The following CTNND2 variants were observed in gnomAD, a reference collection of about 807,000 sequenced individuals.
The protein encoded by CTNND2 is catenin delta 2, also known as catenin delta-2.
In CTNND2, 22 loss-of-function variants were observed where a neutral mutation model predicts 144.4. The ratio of observed to expected loss-of-function variants is 0.15; its 90% CI spans 0.11 to 0.22. CTNND2 has a LOEUF of 0.22. Ranked by LOEUF, CTNND2 falls within the 10% of genes least tolerant of loss-of-function variation. The probability of loss-of-function intolerance (pLI) is 1.00; values close to 1 mark genes in which losing one functional copy is unlikely to be tolerated. For synonymous variants in CTNND2, 751 were observed against 695.6 expected, an observed-to-expected ratio of 1.08 and a Z score of -1.25; for missense variants, 1,353 against 1,618.8, an observed-to-expected ratio of 0.84 and a Z score of 2.82.
In CTNND2 at chr5:11,385,102, G is replaced by T; in HGVS notation, c.740C>A (p.Ala247Asp). 9.7e-7 allele frequency: 1 copy of T among 1,032,490 alleles called. No homozygotes were observed. 64.0% of individuals were successfully genotyped at this position (1,032,490 alleles called of 1,614,324 possible). Reference sequence around the variant, plus strand: ...GGAGTAGTAGAGCGCGGCGGCGGCGGCGGCGGGCGGCGCGTCGGGCAGGTG... The same window carrying T: ...GGAGTAGTAGAGCGCGGCGGCGGCGTCGGCGGGCGGCGCGTCGGGCAGGTG... ...AFHLPDAPPA[A>D]AAAALYYSSS... The change falls in exon 7 of 22, where the codon GCC becomes GAC. Residue 247 changes from alanine (A) to aspartate (D), a missense_variant. By Grantham distance (126) the Ala-to-Asp change is moderately radical. This residue lies in a region of CTNND2 where 708 missense variants were observed against 706.4 expected (regional missense o/e 1.00). Coordinates refer to ENST00000304623, the MANE Select transcript of CTNND2 (RefSeq NM_001332.4).
intron 9 of CTNND2, among the ~76,000 whole-genome samples, chr5:11,323,198 C>CCAGCAA (rs940925594): frequency 6.8e-6 from 1 of 146,720 alleles, no homozygotes; most frequent in African/African-American, 2.5e-5. Flanking sequence ...CCACCACTGC[C>CCAGCAA]CAGCAAATTA....
intron 2 of CTNND2, among the ~76,000 whole-genome samples, chr5:11,599,412 T>C (rs1463747077): frequency 6.6e-6 from 1 of 152,218 alleles, no homozygotes; most frequent in African/African-American, 2.4e-5. Flanking sequence ...TTGTGTCTTC[T>C]AGAACTTTTC....
intron 1 of CTNND2, among the ~76,000 whole-genome samples, chr5:11,796,049 G>T (rs1791383156): frequency 6.6e-6 from 1 of 152,202 alleles, no homozygotes; most frequent in Non-Finnish European, 1.5e-5. Context: ...AGCAATGGCA[G>T]GTTGAGTCCT....
At chr5:11,882,989 C>G (rs189073690) in intron 1 of CTNND2, among the ~76,000 whole-genome samples, 109 of 152,130 alleles carry the variant, frequency 7.2e-4, no homozygotes, top group African/African-American at 2.5e-3. Context: ...TTTCTTTCAT[C>G]AATATTTTAT....
At chr5:11,104,750 A>G (rs1752251242) in intron 14 of CTNND2, among the ~76,000 whole-genome samples, 1 of 152,210 alleles carries the variant, frequency 6.6e-6, no homozygotes, top group Non-Finnish European at 1.5e-5. Flanking sequence ...AAGAGGGGAT[A>G]GAGTTGATGG....
At chr5:10,990,716 T>C (rs976835814) in intron 19 of CTNND2, among the ~76,000 whole-genome samples, 3 of 152,232 alleles carry the variant, frequency 2.0e-5, no homozygotes, top group African/African-American at 7.2e-5. Flanking sequence ...TCCAAGTCTC[T>C]GGTAAATCAG....
At chr5:11,369,731 A>G (rs1757293273) in intron 7 of CTNND2, among the ~76,000 whole-genome samples, 1 of 152,188 alleles carries the variant, frequency 6.6e-6, no homozygotes. Flanking sequence ...AAAATGAGGC[A>G]GGGCAGTGAG....
chr5:11,856,572 A>G (rs1795259830), intron 1 of CTNND2, among the ~76,000 whole-genome samples: 1 of 152,198 alleles, frequency 6.6e-6, no homozygotes, highest in South Asian at 2.1e-4. Flanking sequence ...GGAGGGAAGA[A>G]GCGGAAGTAA....
intron 2 of CTNND2, among the ~76,000 whole-genome samples, chr5:11,572,070 G>C (rs746370037): frequency 6.6e-6 from 1 of 152,190 alleles, no homozygotes; most frequent in Admixed American, 6.5e-5. Flanking sequence ...CAAGGGTTCA[G>C]TGCATCTTCT....
chr5:11,854,254 A>G (rs1236895715), intron 1 of CTNND2, among the ~76,000 whole-genome samples: 2 of 152,206 alleles, frequency 1.3e-5, no homozygotes, highest in Non-Finnish European at 2.9e-5. Context: ...AGTATCCAAC[A>G]TAAAAGTTCA....
chr5:11,607,352 T>C (rs1780103407), intron 2 of CTNND2, among the ~76,000 whole-genome samples: 1 of 152,154 alleles, frequency 6.6e-6, no homozygotes, highest in Non-Finnish European at 1.5e-5. Flanking sequence ...CAGATATATT[T>C]TGAGTGGTAT....
chr5:11,244,425 C>T (rs190777962), intron 9 of CTNND2, among the ~76,000 whole-genome samples: 1 of 151,840 alleles, frequency 6.6e-6, no homozygotes, highest in East Asian at 1.9e-4. Context: ...GCTTGGATTA[C>T]AGGCACCCAC....
chr5:11,263,693 C>T (rs1479777799), intron 9 of CTNND2, among the ~76,000 whole-genome samples: 1 of 152,192 alleles, frequency 6.6e-6, no homozygotes, highest in Non-Finnish European at 1.5e-5. Context: ...GCCTTGAATT[C>T]ATGCCTTTAC....
At chr5:11,338,839 CA>C (rs1753972617) in intron 9 of CTNND2, among the ~76,000 whole-genome samples, 1 of 152,062 alleles carries the variant, frequency 6.6e-6, no homozygotes, top group South Asian at 2.1e-4. Context: ...TTTTATAAAA[CA>C]AAAAGGTCTT....
chr5:11,200,126 G>A (rs1240406708), intron 10 of CTNND2, among the ~76,000 whole-genome samples: 1 of 152,186 alleles, frequency 6.6e-6, no homozygotes, highest in Non-Finnish European at 1.5e-5. Flanking sequence ...AATCAGAAGC[G>A]AAACGAGAGA....
At chr5:11,693,758 C>T (rs185009623) in intron 2 of CTNND2, among the ~76,000 whole-genome samples, 3 of 152,112 alleles carry the variant, frequency 2.0e-5, no homozygotes, top group African/African-American at 4.8e-5. Flanking sequence ...AAACACAGTA[C>T]GATTGATTCT....
intron 9 of CTNND2, among the ~76,000 whole-genome samples, chr5:11,240,160 A>G (rs1742078837): frequency 7.3e-6 from 1 of 136,304 alleles, no homozygotes; most frequent in East Asian, 2.2e-4. Context: ...ACACATTCAC[A>G]CACACACCAA....
intron 1 of CTNND2, among the ~76,000 whole-genome samples, chr5:11,736,193 G>A (rs1414378951): frequency 3.3e-5 from 5 of 152,120 alleles, no homozygotes; most frequent in Admixed American, 6.5e-5. Context: ...TTTATAAAAT[G>A]TAACTCTTTA....
intron 2 of CTNND2, among the ~76,000 whole-genome samples, chr5:11,647,525 C>A (rs1782420045): frequency 6.6e-6 from 1 of 151,898 alleles, no homozygotes; most frequent in Non-Finnish European, 1.5e-5. Context: ...ATAGTGCCCC[C>A]CGCAAGCCCC....
Sources: gnomAD v4.1 joint callset for allele counts (sites outside exome capture counted in the v4.1 genomes callset) on GRCh38, gnomAD v4.1.1 for gene constraint, gnomAD v4.1.1 regional missense constraint, MANE v1.5 for transcripts, NCBI Gene and HGNC (gene_info 2026-07-23, HGNC 2026-07-21) for gene names.